The following CPEB1 variants were observed in gnomAD, a reference collection of about 807,000 sequenced individuals.
The protein encoded by CPEB1 is cytoplasmic polyadenylation element-binding protein 1.
CPEB1 carries 7 observed loss-of-function variants against 65.8 expected under a neutral mutation model. The ratio of observed to expected loss-of-function variants is 0.11; its 90% CI spans 0.06 to 0.20. CPEB1 has a LOEUF of 0.20. Among genes scored for constraint, CPEB1 ranks in the 10% least tolerant of loss-of-function variants. The pLI is 1.00. For missense variants in CPEB1, 551 were observed against 712.2 expected, an observed-to-expected ratio of 0.77 and a Z score of 2.58; for synonymous variants, 262 against 260.0, an observed-to-expected ratio of 1.01 and a Z score of -0.08.
chr15:82,605,335 A>C (rs1471349301), intron 3 of CPEB1, among the ~76,000 whole-genome samples: 1 of 152,166 alleles, frequency 6.6e-6, no homozygotes, highest in Non-Finnish European at 1.5e-5. Flanking sequence ...TAAATATAAT[A>C]GAGAGTATAT....
At chr15:82,643,440 G>A (rs1039408209) in intron 1 of CPEB1, among the ~76,000 whole-genome samples, 45 of 152,104 alleles carry the variant, frequency 3.0e-4, no homozygotes, top group Admixed American at 1.3e-4. Flanking sequence ...GACCAGCCTG[G>A]CCAATATGGT....
chr15:82,550,353 G>C (rs1256139738), intron 9 of CPEB1, among the ~76,000 whole-genome samples: 3 of 152,244 alleles, frequency 2.0e-5, no homozygotes, highest in Non-Finnish European at 4.4e-5. Context: ...GAAGAGATCT[G>C]AGGCAGAAAC....
intron 3 of CPEB1, among the ~76,000 whole-genome samples, chr15:82,595,288 A>G (rs1163841875): frequency 1.3e-5 from 2 of 152,260 alleles, no homozygotes; most frequent in Non-Finnish European, 1.5e-5. Context: ...ATGCCCACCT[A>G]TAAGTTTTTG....
At chr15:82,648,184 G>A, upstream of CPEB1, 1 of 315,818 alleles carries the variant, frequency 3.2e-6, no homozygotes, top group Non-Finnish European at 5.8e-6. Context: ...GCTGCCCCCT[G>A]GGGGGCCAGA....
At chr15:82,586,824 C>A (rs1418122190) in intron 3 of CPEB1, among the ~76,000 whole-genome samples, 15 of 152,140 alleles carry the variant, frequency 9.9e-5, no homozygotes, top group Admixed American at 9.8e-4. Flanking sequence ...TATTCCTAGC[C>A]TTTGTTAACA....
chr15:82,603,008 C>G (rs1409873896), intron 3 of CPEB1, among the ~76,000 whole-genome samples: 1 of 152,004 alleles, frequency 6.6e-6, no homozygotes, highest in Non-Finnish European at 1.5e-5. Flanking sequence ...GAAATTAAAC[C>G]AAAAGCTTGC....
chr15:82,605,727 T>C (rs763278118), intron 3 of CPEB1, among the ~76,000 whole-genome samples: 3 of 152,204 alleles, frequency 2.0e-5, no homozygotes, highest in Non-Finnish European at 2.9e-5. Context: ...TCTGTATTGA[T>C]AGGCACACCA....
At chr15:82,573,218 T>C (rs1475006161) in intron 3 of CPEB1, 39 of 1,439,626 alleles carry the variant, frequency 2.7e-5, no homozygotes, top group Non-Finnish European at 3.6e-5. Flanking sequence ...AAATTATCAG[T>C]CTCCTTCCTT....
rs5814120 is a variant in CPEB1, at chr15:82,590,209, C to CA, written c.272-18678dup. Among the ~76,000 whole-genome samples, 398 of 103,994 alleles carry CA rather than the reference C, an allele frequency of 3.8e-3. 55 individuals are homozygous for CA. Among genetic ancestry groups the CA allele is most frequent in the East Asian group, 0.011 (37 of 3,516 alleles). The allele number at this position is 103,994 out of a possible 152,430, so 68.2% of individuals were successfully genotyped here. On this transcript the variant is annotated intron_variant, in intron 3 of 12. Coordinates refer to ENST00000684509, the MANE Select transcript of CPEB1 (RefSeq NM_001365242.1). ...CCTATGTGTCCCCTCATCCCTTTGA[C>CA]AAAAAAAAAAAAAAAAAAAAAAAAA...
chr15:82,575,728 A>G (rs2151074414), intron 3 of CPEB1, among the ~76,000 whole-genome samples: 1 of 152,276 alleles, frequency 6.6e-6, no homozygotes, highest in East Asian at 1.9e-4. Context: ...TTAAAACCAC[A>G]GTGAGACACT....
intron 3 of CPEB1, among the ~76,000 whole-genome samples, chr15:82,585,724 A>T (rs2041742953): frequency 6.6e-6 from 1 of 152,210 alleles, no homozygotes. Flanking sequence ...GCAAGTAATA[A>T]GTAAAAGATG....
rs570564308 is a variant in CPEB1 at position 82,606,750 on chromosome 15, G to T, written c.271+20443C>A. 3.2e-5 allele frequency among the ~76,000 whole-genome samples: 2 copies of T among 62,544 alleles called. 1 individual carries two copies. Among genetic ancestry groups the T allele is most frequent in the Middle Eastern group, 0.017 (2 of 118 alleles). The allele number at this position is 62,544 out of a possible 152,430, so 41.0% of individuals were successfully genotyped here. On this transcript the variant is annotated intron_variant, in intron 3 of 12. Transcript: ENST00000684509. ...GGAGAATGGCGTGAACCCGGGAGGC[G>T]GAGCTTGCAGTGAGCCGAGATCCCG...
At chr15:82,581,863 C>T in intron 3 of CPEB1, among the ~76,000 whole-genome samples, 1 of 152,070 alleles carries the variant, frequency 6.6e-6, no homozygotes, top group East Asian at 1.9e-4. Flanking sequence ...AGTGATGGTC[C>T]CATAGGTAAG....
chr15:82,546,597 A>G (rs2035264064), intron 11 of CPEB1, 76 bp from the exon 12 acceptor site: 3 of 1,042,358 alleles, frequency 2.9e-6, no homozygotes, highest in Admixed American at 3.5e-5. Flanking sequence ...AGAAGGGCAC[A>G]TTATTGGCCA....
chr15:82,603,907 A>G (rs1475435180), intron 3 of CPEB1, among the ~76,000 whole-genome samples: 2 of 152,188 alleles, frequency 1.3e-5, no homozygotes, highest in Admixed American at 1.3e-4. Context: ...CCAATGTCCA[A>G]TTTTCAAGAC....
intron 3 of CPEB1, among the ~76,000 whole-genome samples, chr15:82,574,164 C>A (rs1320504955): frequency 6.6e-6 from 1 of 152,216 alleles, no homozygotes; most frequent in East Asian, 1.9e-4. Flanking sequence ...CACCTTCCTC[C>A]TTATCCAGAC....
chr15:82,606,980 A>G (rs537089503), intron 3 of CPEB1, among the ~76,000 whole-genome samples: 2 of 152,092 alleles, frequency 1.3e-5, no homozygotes, highest in Non-Finnish European at 2.9e-5. Context: ...AAAAAAAACA[A>G]GAAACATATA....
At chr15:82,599,463 C>T (rs558862027) in intron 3 of CPEB1, among the ~76,000 whole-genome samples, 8 of 152,184 alleles carry the variant, frequency 5.3e-5, no homozygotes, top group African/African-American at 1.9e-4. Context: ...TAAAGAGGGA[C>T]ATCATCTTAA....
intron 4 of CPEB1, among the ~76,000 whole-genome samples, chr15:82,566,320 A>G (rs769829192): frequency 1.1e-4 from 17 of 152,234 alleles, no homozygotes; most frequent in Non-Finnish European, 2.4e-4. Flanking sequence ...GGGAAAATCC[A>G]GACCAGGAGC....
Sources: allele counts gnomAD v4.1 joint callset (sites outside exome capture counted in the v4.1 genomes callset), GRCh38; gene constraint gnomAD v4.1.1; transcripts MANE v1.5; gene names NCBI Gene and HGNC (gene_info 2026-07-23, HGNC 2026-07-21).